GLB1: variants seen among roughly 807,000 people sequenced by gnomAD.
GLB1 encodes galactosidase beta 1.
In GLB1, 56 loss-of-function variants were observed where a neutral mutation model predicts 74.0. The observed-to-expected ratio is 0.76, with a 90% CI of 0.61 to 0.94. GLB1 has a LOEUF of 0.94. Ranked by LOEUF, GLB1 falls within the 40% of genes least tolerant of loss-of-function variation. GLB1 has a pLI of 0.00. For missense variants in GLB1, 787 were observed against 845.5 expected (o/e 0.93, Z 0.86); for synonymous variants, 323 against 323.6 (o/e 1.00, Z 0.02).
At chr3:33,046,878 A>G (rs535344849) in intron 9 of GLB1, among the ~76,000 whole-genome samples, 2 of 152,302 alleles carry the variant, frequency 1.3e-5, no homozygotes, top group East Asian at 3.9e-4. Context: ...TCATTCTCCC[A>G]GCAGCTAGGG....
chr3:33,092,473 G>A (rs918716380), intron 1 of GLB1: 9 of 1,031,264 alleles, frequency 8.7e-6, no homozygotes, highest in Admixed American at 5.2e-5. Context: ...GCTCCTCCCC[G>A]CCCCACCTTC....
intron 1 of GLB1, among the ~76,000 whole-genome samples, chr3:33,075,687 G>A (rs1343256856): frequency 6.6e-6 from 1 of 152,138 alleles, no homozygotes; most frequent in Non-Finnish European, 1.5e-5. Context: ...CAGGGTTGAG[G>A]GGAGGGGCAA....
At chr3:33,018,748 C>A (rs1697348208) in intron 12 of GLB1, among the ~76,000 whole-genome samples, 187 bp from the exon 13 acceptor site, 1 of 152,134 alleles carries the variant, frequency 6.6e-6, no homozygotes, top group Non-Finnish European at 1.5e-5. Context: ...GAATATCTAT[C>A]ATAATAGTAA....
At chr3:32,993,185 GA>G (rs1307134533), downstream of GLB1, among the ~76,000 whole-genome samples, 2 of 151,788 alleles carry the variant, frequency 1.3e-5, no homozygotes, top group South Asian at 2.1e-4. Context: ...GGGAAACAAT[GA>G]AAAAAAACCC....
intron 12 of GLB1, among the ~76,000 whole-genome samples, chr3:33,019,346 A>C (rs1214303848): frequency 2.0e-5 from 3 of 152,228 alleles, no homozygotes; most frequent in African/African-American, 7.2e-5. Flanking sequence ...TATTGACATA[A>C]TAATCCACAG....
the GLB1 span, among the ~76,000 whole-genome samples, chr3:32,971,639 T>G: frequency 6.6e-6 from 1 of 152,202 alleles, no homozygotes; most frequent in Non-Finnish European, 1.5e-5. Context: ...AAGTACTATA[T>G]CGCCTGATGG....
intron 1 of GLB1, chr3:33,076,976 C>G: frequency 1.4e-5 from 15 of 1,037,722 alleles, no homozygotes; most frequent in Non-Finnish European, 1.9e-5. Flanking sequence ...GTAATCCCAG[C>G]AATTTGGGAG....
the GLB1 span, among the ~76,000 whole-genome samples, chr3:32,978,448 T>C: frequency 1.8e-4 from 28 of 152,172 alleles, no homozygotes; most frequent in South Asian, 5.8e-3. Context: ...TCTTACATCG[T>C]GGACTCCTGT....
chr3:33,045,789 C>G, intron 10 of GLB1: 1 of 1,179,488 alleles, frequency 8.5e-7, no homozygotes. Flanking sequence ...GATAATCTGG[C>G]CTGGAAGGAG....
the GLB1 span, among the ~76,000 whole-genome samples, chr3:32,978,926 A>AT: frequency 0.017 from 2,060 of 120,642 alleles, 30 homozygotes; most frequent in African/African-American, 0.037. Context: ...CACCCGGCTA[A>AT]TTTTTTTTTT....
intron 1 of GLB1, chr3:33,096,482 C>T: frequency 1.0e-6 from 1 of 985,002 alleles, no homozygotes; most frequent in Non-Finnish European, 1.2e-6. Context: ...GGGCAGGCGA[C>T]GGGGAGTGGT....
the GLB1 span, among the ~76,000 whole-genome samples, chr3:32,972,512 G>A: frequency 6.6e-6 from 1 of 152,176 alleles, no homozygotes; most frequent in South Asian, 2.1e-4. Context: ...CTCATTAGTG[G>A]GTTCTTGCTT....
chr3:32,966,974 C>T, the GLB1 span, among the ~76,000 whole-genome samples: 1 of 152,114 alleles, frequency 6.6e-6, no homozygotes, highest in African/African-American at 2.4e-5. Flanking sequence ...TTATAAATTA[C>T]CCGGTCTCTG....
downstream of GLB1, among the ~76,000 whole-genome samples, chr3:32,995,448 A>G (rs1366513358): frequency 6.6e-6 from 1 of 152,140 alleles, no homozygotes; most frequent in African/African-American, 2.4e-5. Context: ...CTGCCCAAAC[A>G]TCAAATGGTG....
intron 15 of GLB1, among the ~76,000 whole-genome samples, chr3:33,001,369 C>T (rs1475216973): frequency 6.6e-6 from 1 of 152,136 alleles, no homozygotes; most frequent in Non-Finnish European, 1.5e-5. Context: ...AGATGTGCAT[C>T]ACCACACACA....
intron 1 of GLB1, among the ~76,000 whole-genome samples, chr3:33,087,060 T>C (rs1018549486): frequency 6.9e-6 from 1 of 145,260 alleles, no homozygotes; most frequent in African/African-American, 2.6e-5. Flanking sequence ...AAAGAAGATA[T>C]AAATAAATCA....
intron 15 of GLB1, among the ~76,000 whole-genome samples, chr3:33,005,191 A>G (rs1188594906): frequency 3.3e-5 from 5 of 152,108 alleles, no homozygotes; most frequent in Non-Finnish European, 7.4e-5. Flanking sequence ...GCACAAACCC[A>G]GGTGGGATTG....
the GLB1 span, among the ~76,000 whole-genome samples, chr3:32,990,857 C>T: frequency 6.6e-6 from 1 of 152,152 alleles, no homozygotes; most frequent in East Asian, 1.9e-4. Context: ...GCCTGTAGTC[C>T]CAGCTACTCG....
intron 1 of GLB1, among the ~76,000 whole-genome samples, chr3:33,088,039 C>T (rs1700597044): frequency 6.6e-6 from 1 of 151,944 alleles, no homozygotes; most frequent in Non-Finnish European, 1.5e-5. Flanking sequence ...GCAGAGAAAG[C>T]ATGACAAGAT....
Sources: gnomAD v4.1 joint callset for allele counts (sites outside exome capture counted in the v4.1 genomes callset) on GRCh38, gnomAD v4.1.1 for gene constraint, MANE v1.5 for transcripts, NCBI Gene and HGNC (gene_info 2026-07-23, HGNC 2026-07-21) for gene names.